VPS13B: variants seen among roughly 807,000 people sequenced by gnomAD.
VPS13B encodes the protein vacuolar protein sorting 13 homolog B, also known as intermembrane lipid transfer protein VPS13B.
In VPS13B, 285 loss-of-function variants were observed where a neutral mutation model predicts 426.4. The ratio of observed to expected loss-of-function variants is 0.67; its 90% confidence interval spans 0.61 to 0.74. The LOEUF (loss-of-function observed/expected upper bound fraction) is 0.74, where lower values mean the gene tolerates loss of function less well. VPS13B is among the 30% of genes least tolerant of loss of function. The pLI is 0.00. For synonymous variants in VPS13B, 1,676 were observed against 1,676.4 expected, an observed-to-expected ratio of 1.00 and a Z score of 0.01; for missense variants, 4,537 against 4,782.6, an observed-to-expected ratio of 0.95 and a Z score of 1.51.
intron 43 of VPS13B, among the ~76,000 whole-genome samples, chr8:99,801,285 C>T (rs1813106591): frequency 6.6e-6 from 1 of 152,098 alleles, no homozygotes; most frequent in Non-Finnish European, 1.5e-5. Flanking sequence ...TTCAGTGACT[C>T]CATTTGGGTT....
chr8:99,093,469 G>A (rs1002919144), intron 3 of VPS13B, among the ~76,000 whole-genome samples: 10 of 151,490 alleles, frequency 6.6e-5, no homozygotes, highest in African/African-American at 1.7e-4. Context: ...ATGCTGGTGC[G>A]CTGCACCCAC....
intron 16 of VPS13B, among the ~76,000 whole-genome samples, chr8:99,174,009 A>T (rs1325726628): frequency 6.6e-6 from 1 of 152,212 alleles, no homozygotes; most frequent in East Asian, 1.9e-4. Context: ...CCACCATTCA[A>T]CTTTCTGTCT....
Position 99,474,183 on chromosome 8 carries a change from A to ATTTTTTTTTTTTTTTT in VPS13B, c.3666+6554_3666+6569dup, listed in dbSNP as rs34752686. Among the ~76,000 whole-genome samples, 997 of 124,836 alleles carry ATTTTTTTTTTTTTTTT rather than the reference A, an allele frequency of 8.0e-3. 28 individuals are homozygous for ATTTTTTTTTTTTTTTT. The highest frequency in any genetic ancestry group is 0.023 in the East Asian group (99 of 4,368). 81.9% of individuals were successfully genotyped at this position (124,836 alleles called of 152,430 possible). ...TCTTCAAACAATGGACTGTTATCCA[A>ATTTTTTTTTTTTTTTT]TTTTTTTTTTTTTTTTTTTTGTGGA... On this transcript the variant is annotated intron_variant, in intron 24 of 61. Coordinates refer to ENST00000357162, the MANE Select transcript of VPS13B (RefSeq NM_152564.5).
chr8:99,239,646 T>C (rs1388136298), intron 17 of VPS13B, among the ~76,000 whole-genome samples: 1 of 152,052 alleles, frequency 6.6e-6, no homozygotes, highest in East Asian at 1.9e-4. Flanking sequence ...TGACACAGAA[T>C]TGCAGATAAA....
intron 25 of VPS13B, among the ~76,000 whole-genome samples, chr8:99,489,422 T>C (rs1180020046): frequency 6.6e-6 from 1 of 152,166 alleles, no homozygotes; most frequent in Non-Finnish European, 1.5e-5. Flanking sequence ...TAAAGTAGTT[T>C]TTTCCAATGC....
At chr8:99,698,837 G>T (rs980122446) in intron 35 of VPS13B, among the ~76,000 whole-genome samples, 32 of 152,182 alleles carry the variant, frequency 2.1e-4, no homozygotes, top group African/African-American at 7.2e-4. Context: ...TAGTTTTCAT[G>T]TCAGGTAAGT....
rs181365303 is a variant in VPS13B, at chr8:99,112,419, C to T, written c.762+1140C>T. Among the ~76,000 whole-genome samples the T allele has an allele frequency of 4.0e-4, 61 of 152,160 alleles. 1 individual carries two copies. The East Asian group carries it at 0.011, about 27-fold the overall frequency. On this transcript the variant is annotated intron_variant, in intron 6 of 61. Coordinates refer to ENST00000357162, the MANE Select transcript of VPS13B (RefSeq NM_152564.5). The stretch of plus-strand genomic sequence containing the variant: ...TAAAAATATAGTATTTTCTATTTTA[C>T]GTAGCCTTACTGTACTTAATATGTA...
In VPS13B at chr8:99,784,457, G is replaced by A. The variant is rs398124338; in HGVS notation, c.7922G>A (p.Arg2641His). 33 of 1,613,498 alleles carry A rather than the reference G, an allele frequency of 2.0e-5. No individual in the cohort carries two copies. Among genetic ancestry groups the A allele is most frequent in the East Asian group, 4.5e-5 (2 of 44,884 alleles). Reference protein sequence around the residue: ...ASLHSHQYSWRSHKSPQLLHI... With the variant: ...ASLHSHQYSWHSHKSPQLLHI... Reference sequence around the variant, plus strand: ...CTCCACAGTCACCAGTACAGCTGGCGCTCTCACAAATCCCCACAGGTATTT... The same window carrying A: ...CTCCACAGTCACCAGTACAGCTGGCACTCTCACAAATCCCCACAGGTATTT... Residue 2641 changes from arginine (R) to histidine (H), a missense_variant, in exon 43 of 62, where the codon CGC becomes CAC. Arg to His is a conservative substitution (Grantham distance 29, BLOSUM62 0). Transcript: ENST00000357162.
chr8:99,260,744 A>G (rs775903841), intron 17 of VPS13B, among the ~76,000 whole-genome samples: 2 of 151,934 alleles, frequency 1.3e-5, no homozygotes, highest in Admixed American at 6.6e-5. Flanking sequence ...TTTTGAGACT[A>G]TATCTAGAAG....
At chr8:99,118,268 A>G (rs1847769839) in intron 7 of VPS13B, among the ~76,000 whole-genome samples, 1 of 152,184 alleles carries the variant, frequency 6.6e-6, no homozygotes. Context: ...TTCATCTAAC[A>G]TCCCTTTCCC....
chr8:99,140,947 G>A (rs778560973), intron 12 of VPS13B, among the ~76,000 whole-genome samples: 3 of 152,034 alleles, frequency 2.0e-5, no homozygotes, highest in Non-Finnish European at 4.4e-5. Context: ...ATTTGTTAAT[G>A]TTGTAATGAC....
intron 33 of VPS13B, among the ~76,000 whole-genome samples, chr8:99,584,966 A>C (rs1362944281): frequency 6.6e-6 from 1 of 152,222 alleles, no homozygotes; most frequent in Non-Finnish European, 1.5e-5. Flanking sequence ...TGCAGAGATT[A>C]TATAGCTTTA....
chr8:99,598,492 T>A (rs1008487066), intron 33 of VPS13B, among the ~76,000 whole-genome samples: 1 of 152,060 alleles, frequency 6.6e-6, no homozygotes, highest in African/African-American at 2.4e-5. Context: ...AGTAATCATC[T>A]TATTAAGTCT....
chr8:99,826,830 C>A (rs183871062), intron 51 of VPS13B, among the ~76,000 whole-genome samples: 13 of 151,910 alleles, frequency 8.6e-5, no homozygotes, highest in African/African-American at 3.1e-4. Context: ...GAGATAATCA[C>A]GTCGTTTTGG....
intron 19 of VPS13B, among the ~76,000 whole-genome samples, chr8:99,312,665 A>T (rs1821065151): frequency 6.6e-6 from 1 of 152,058 alleles, no homozygotes; most frequent in Admixed American, 6.5e-5. Context: ...GCTCCTCTTG[A>T]GGAGTATCTT....
intron 35 of VPS13B, among the ~76,000 whole-genome samples, chr8:99,687,851 T>C (rs1831485318): frequency 6.6e-6 from 1 of 152,024 alleles, no homozygotes; most frequent in South Asian, 2.1e-4. Context: ...TTTTTATGGA[T>C]AATTGTTCAT....
chr8:99,259,245 T>C (rs2132945354), intron 17 of VPS13B, among the ~76,000 whole-genome samples: 1 of 152,256 alleles, frequency 6.6e-6, no homozygotes, highest in East Asian at 1.9e-4. Flanking sequence ...GAAATTATGT[T>C]TTTCTTCCTC....
At chr8:99,304,588 T>C (rs1017947984) in intron 19 of VPS13B, among the ~76,000 whole-genome samples, 1 of 152,184 alleles carries the variant, frequency 6.6e-6, no homozygotes, top group African/African-American at 2.4e-5. Context: ...TGATTATCTG[T>C]GAACATTGTC....
chr8:99,819,770 C>T (rs1208578839), intron 48 of VPS13B, 151 bp from the exon 49 acceptor site: 1 of 1,240,330 alleles, frequency 8.1e-7, no homozygotes, highest in African/African-American at 1.5e-5. Context: ...TGAAAAGTTG[C>T]TTTCTCCTGC....
Sources: gnomAD v4.1 joint callset for allele counts (sites outside exome capture counted in the v4.1 genomes callset) on GRCh38, gnomAD v4.1.1 for gene constraint, MANE v1.5 for transcripts, NCBI Gene and HGNC (gene_info 2026-07-23, HGNC 2026-07-21) for gene names.